The following CDC45 variants were observed in gnomAD, a reference collection of about 807,000 sequenced individuals.
The protein encoded by CDC45 is cell division control protein 45 homolog.
CDC45 carries 54 observed loss-of-function variants against 77.8 expected under a neutral mutation model. That is an observed-to-expected ratio of 0.69 (90% confidence interval 0.56 to 0.87). CDC45 has a LOEUF of 0.87. Ranked by LOEUF, CDC45 falls within the 40% of genes least tolerant of loss-of-function variation. The pLI, the probability that CDC45 is intolerant of heterozygous loss-of-function variation, is 0.00. For missense variants in CDC45, 649 were observed against 721.6 expected (o/e 0.90, Z 1.15); for synonymous variants, 260 against 272.1 (o/e 0.96, Z 0.44).
upstream of CDC45, chr22:19,479,660 A>G (rs1386873894): frequency 1.5e-6 from 1 of 675,314 alleles, no homozygotes; most frequent in East Asian, 3.0e-5. Flanking sequence ...CCCAAAGTAA[A>G]GATGTCCGCC....
chr22:19,514,731 G>GTA lies in CDC45; in HGVS notation c.1218-17_1218-16insAT. On this transcript the variant is annotated splice_polypyrimidine_tract_variant and intron_variant, in intron 13 of 18. Coordinates refer to ENST00000263201, the MANE Select transcript of CDC45 (RefSeq NM_003504.5). ...TCCTGACAAGCACCACCAAAGCCAT[G>GTA]TGTCTGCCCTGTTACAGGAGTAACC... 3 of 1,578,266 alleles carry GTA rather than the reference G, an allele frequency of 1.9e-6. No homozygotes were observed. Among genetic ancestry groups the GTA allele is most frequent in the Non-Finnish European group, 2.6e-6 (3 of 1,163,176 alleles).
chr22:19,495,500 G>A (rs759058444), intron 6 of CDC45, among the ~76,000 whole-genome samples: 1 of 152,128 alleles, frequency 6.6e-6, no homozygotes, highest in Admixed American at 6.5e-5. Context: ...ATTTCCCAAC[G>A]TTACACATAT....
chr22:19,509,269 AAG>A (rs761226658), intron 13 of CDC45, among the ~76,000 whole-genome samples: 7 of 152,204 alleles, frequency 4.6e-5, no homozygotes, highest in Non-Finnish European at 8.8e-5. Flanking sequence ...TATGCATCCA[AAG>A]AGAGGAGGCT....
chr22:19,498,080 A>G (rs1442364923), intron 8 of CDC45, among the ~76,000 whole-genome samples: 1 of 152,156 alleles, frequency 6.6e-6, no homozygotes, highest in Non-Finnish European at 1.5e-5. Flanking sequence ...AGGCTGAGGT[A>G]GGAGAATCGC....
chr22:19,484,569 T>C (rs1278400770), intron 5 of CDC45, among the ~76,000 whole-genome samples: 1 of 150,858 alleles, frequency 6.6e-6, no homozygotes, highest in African/African-American at 2.5e-5. Flanking sequence ...AGAAGGTGGT[T>C]GTTCCCATAG....
rs757735778 is a variant in CDC45, at chr22:19,494,335, G to A, written c.495G>A (p.Val165=). ...EKRTRLEEEI[V]EQTMRRRQRR... is the part of the protein sequence containing the mutation. ...CTTTGTCCCTGTATCAGGAGATAGT[G>A]GAGCAAACCATGCGGAGGAGGCAGC... The change falls in exon 6 of 19, where the codon GTG becomes GTA. Residue 165 remains valine, a synonymous_variant. Transcript: ENST00000263201. The A allele has an allele frequency of 1.2e-6, 2 of 1,612,748 alleles. No individual in the cohort carries two copies. Among genetic ancestry groups the A allele is most frequent in the East Asian group, 4.5e-5 (2 of 44,882 alleles).
In CDC45 at chr22:19,514,618, G is replaced by C. The variant is rs13447276; in HGVS notation, c.1218-131G>C. ...CTTTCATGTGAAAGACAACTCAGGAGGGAAAGAAGATAAATTCTTACCCCC... is the reference window on the plus strand; with the variant it reads ...CTTTCATGTGAAAGACAACTCAGGACGGAAAGAAGATAAATTCTTACCCCC... On this transcript the variant is annotated intron_variant, in intron 13 of 18. Coordinates refer to ENST00000263201, the MANE Select transcript of CDC45 (RefSeq NM_003504.5). 1.3e-3 allele frequency: 901 copies of C among 704,700 alleles called. 6 individuals are homozygous for C. The African/African-American group carries it at 0.014, about 11-fold the overall frequency. The allele number at this position is 704,700 out of a possible 1,614,324, so 43.7% of individuals were successfully genotyped here.
chr22:19,505,633 C>T (rs1933129439), intron 10 of CDC45, 152 bp downstream of exon 10: 1 of 775,310 alleles, frequency 1.3e-6, no homozygotes, highest in African/African-American at 1.7e-5. Flanking sequence ...TGGTGTGCTA[C>T]CCCAGCTCAT....
At position 19,520,488 on chromosome 22, in the gene CDC45, T is replaced by C. The variant is rs1341802943; in HGVS notation, c.*9T>C. 1 of 152,276 alleles carries C rather than the reference T, an allele frequency of 6.6e-6. No individual in the cohort carries two copies. Among genetic ancestry groups the C allele is most frequent in the African/African-American group, 2.4e-5 (1 of 41,470 alleles). The allele number at this position is 152,276 out of a possible 1,614,324, so 9.4% of individuals were successfully genotyped here. A position where few individuals can be genotyped will look rare whatever the true frequency, so the allele number is the denominator to read the frequency against. Reference sequence around the variant, plus strand: ...TCTTGTTTTGTTTTCTAGAATTTGATTCTTCCAGAATGACCTTCTTATTTA... The same window carrying C: ...TCTTGTTTTGTTTTCTAGAATTTGACTCTTCCAGAATGACCTTCTTATTTA... On this transcript the variant is annotated 3_prime_UTR_variant, in exon 19 of 19. Coordinates refer to ENST00000263201, the MANE Select transcript of CDC45 (RefSeq NM_003504.5). The surrounding 1 kb of genome is among the most constrained non-coding windows in gnomAD (Gnocchi z 4.5).
At position 19,503,932 on chromosome 22, in the gene CDC45, A is replaced by G. The variant is rs117667693; in HGVS notation, c.705-1430A>G. Among the ~76,000 whole-genome samples, 521 of 152,344 alleles carry G rather than the reference A, an allele frequency of 3.4e-3. 20 individuals carry two copies. In the East Asian group the frequency reaches 0.069, roughly 20 times the overall value. On this transcript the variant is annotated intron_variant, in intron 9 of 18. Coordinates refer to ENST00000263201, the MANE Select transcript of CDC45 (RefSeq NM_003504.5). ...AAACTTGCTTTGCTGCGAGCAGTCT[A>G]TGCACCAAAGGTTGACATTGCCCTG... is the stretch of plus-strand genomic sequence containing the variant.
intron 5 of CDC45, among the ~76,000 whole-genome samples, chr22:19,484,929 G>T (rs1244959368): frequency 4.8e-5 from 6 of 124,480 alleles, no homozygotes; most frequent in African/African-American, 7.7e-5. Context: ...AAGACTTTTT[G>T]TTTTTTGTTT....
In CDC45 at chr22:19,515,047, C is replaced by T. The variant is rs764940993; in HGVS notation, c.1439C>T (p.Ser480Leu). 5 of 1,600,502 alleles carry T rather than the reference C, an allele frequency of 3.1e-6. No homozygotes were observed. The highest frequency in any genetic ancestry group is 1.7e-5 in the Admixed American group (1 of 59,328). The change falls in exon 15 of 19, where the codon TCG becomes TTG. Residue 480 changes from serine to leucine, a missense_variant and splice_region_variant. Physicochemically the swap from Ser to Leu is moderately radical, Grantham distance 145. Coordinates refer to ENST00000263201, the MANE Select transcript of CDC45 (RefSeq NM_003504.5). ...SKHLLKSFVC[S>L]TKNRRCKLLP... ...CACCTGCTCAAGTCCTTTGTGTGTT[C>T]GGTGAGGGGCCAGGCGGGTGCTGTG... is the stretch of plus-strand genomic sequence containing the variant.
chr22:19,504,178 GAGAC>G (rs1253184983), intron 9 of CDC45, among the ~76,000 whole-genome samples: 3 of 152,262 alleles, frequency 2.0e-5, no homozygotes, highest in Non-Finnish European at 4.4e-5. Context: ...TTGTTACACT[GAGAC>G]AGCAGAGTTT....
Position 19,480,161 on chromosome 22 carries a change from G to A in CDC45, c.55G>A (p.Val19Ile). ...EFYEVVQSQR[V>I]LLFVASDVDA... ...CCGGTCTGCTCTTCCCCGATAGAGG[G>A]TCCTTCTCTTCGTGGCCTCGGACGT... The change falls in exon 2 of 19, where the codon GTC (valine) becomes ATC (isoleucine). Residue 19 changes from valine (V) to isoleucine (I), a missense_variant. Physicochemically the swap from Val to Ile is conservative, Grantham distance 29. Transcript: ENST00000263201. 1.2e-6 allele frequency: 2 copies of A among 1,614,062 alleles called. No individual in the cohort carries two copies. Among genetic ancestry groups the A allele is most frequent in the African/African-American group, 1.3e-5 (1 of 75,054 alleles).
At chr22:19,507,240 G>C (rs1933242554) in intron 10 of CDC45, 146 bp from the exon 11 acceptor site, 1 of 907,156 alleles carries the variant, frequency 1.1e-6, no homozygotes, top group African/African-American at 1.7e-5. Flanking sequence ...AAGGTCAAAG[G>C]GCTCCAGGTC....
chr22:19,511,286 T>C (rs911456204), intron 13 of CDC45, among the ~76,000 whole-genome samples: 2 of 152,150 alleles, frequency 1.3e-5, no homozygotes, highest in Non-Finnish European at 2.9e-5. Context: ...TTATTGGTCA[T>C]TTGTGTATCT....
Position 19,480,943 on chromosome 22 carries a change from C to T in CDC45, c.112-10C>T. Reference sequence around the variant, plus strand: ...AAATAAGATAGGCTTTGAAAACACTCTCTCTCCAGGCCTTGTTCCAGTGTG... The same window carrying T: ...AAATAAGATAGGCTTTGAAAACACTTTCTCTCCAGGCCTTGTTCCAGTGTG... On this transcript the variant is annotated splice_polypyrimidine_tract_variant and intron_variant, in intron 2 of 18. Coordinates refer to ENST00000263201, the MANE Select transcript of CDC45 (RefSeq NM_003504.5). 1 of 1,584,204 alleles carries T rather than the reference C, an allele frequency of 6.3e-7. No homozygotes were observed. The highest frequency in any genetic ancestry group is 8.6e-7 in the Non-Finnish European group (1 of 1,157,442).
chr22:19,515,287 C>T (rs1933723565), intron 15 of CDC45, among the ~76,000 whole-genome samples: 1 of 152,136 alleles, frequency 6.6e-6, no homozygotes, highest in African/African-American at 2.4e-5. Context: ...TAGGGAGGGG[C>T]CCTTGCAGAG....
intron 8 of CDC45, among the ~76,000 whole-genome samples, chr22:19,498,089 G>T (rs143484964): frequency 6.6e-6 from 1 of 151,884 alleles, no homozygotes; most frequent in East Asian, 1.9e-4. Flanking sequence ...TAGGAGAATC[G>T]CTTGAATCCG....
Sources: gnomAD v4.1 joint callset for allele counts (sites outside exome capture counted in the v4.1 genomes callset) on GRCh38, gnomAD v4.1.1 for gene constraint, Gnocchi (gnomAD v3.1) non-coding constraint, MANE v1.5 for transcripts, NCBI Gene and HGNC (gene_info 2026-07-23, HGNC 2026-07-21) for gene names.